Variants in OTUD7A observed in about 807,000 individuals in gnomAD.
OTUD7A encodes OTU deubiquitinase 7A.
OTUD7A carries 12 observed loss-of-function variants against 65.7 expected under a neutral mutation model. That is an observed-to-expected ratio of 0.18 (90% confidence interval 0.12 to 0.30). The LOEUF is 0.30. Ranked by LOEUF, OTUD7A falls within the 10% of genes least tolerant of loss-of-function variation. The pLI, the probability that OTUD7A is intolerant of heterozygous loss-of-function variation, is 1.00. For synonymous variants in OTUD7A, 641 were observed against 586.3 expected, an observed-to-expected ratio of 1.09 and a Z score of -1.35; for missense variants, 1,148 against 1,304.8, an observed-to-expected ratio of 0.88 and a Z score of 1.85.
intron 10 of OTUD7A, among the ~76,000 whole-genome samples, chr15:31,494,754 C>G (rs2041360578): frequency 1.3e-5 from 2 of 152,166 alleles, no homozygotes; most frequent in Admixed American, 6.5e-5. Context: ...CCCTGGCCCA[C>G]CAAAAACTCA....
rs1889175639 is a variant in OTUD7A at position 31,575,428 on chromosome 15, A to G, written c.152-5231T>C. On this transcript the variant is annotated intron_variant, in intron 3 of 12. Transcript: ENST00000307050. ...AAAAGGCAGAAACTTTATAAAGTGG[A>G]AACTACCATGAAACACACTACACTG... Among the ~76,000 whole-genome samples, 2 of 152,254 alleles carry G rather than the reference A, an allele frequency of 1.3e-5. 1 individual carries two copies. The highest frequency in any genetic ancestry group is 2.9e-5 in the Non-Finnish European group (2 of 68,044).
At chr15:31,690,719 C>T (rs958639023) in intron 1 of OTUD7A, among the ~76,000 whole-genome samples, 1 of 152,106 alleles carries the variant, frequency 6.6e-6, no homozygotes, top group Non-Finnish European at 1.5e-5. Context: ...GGGAAAACCG[C>T]ATATCCACAT....
intron 8 of OTUD7A, among the ~76,000 whole-genome samples, chr15:31,514,722 C>T (rs796637990): frequency 1.3e-5 from 2 of 152,372 alleles, no homozygotes; most frequent in South Asian, 2.1e-4. Context: ...CTGGCTCTGG[C>T]CCCTGGTGTC....
intron 12 of OTUD7A, among the ~76,000 whole-genome samples, chr15:31,485,703 G>A (rs1192775606): frequency 1.3e-5 from 2 of 152,204 alleles, no homozygotes; most frequent in Admixed American, 6.5e-5. Flanking sequence ...CATGCTGGCC[G>A]CTGGGTGCTG....
At chr15:31,727,132 C>T (rs1229428616) in intron 1 of OTUD7A, among the ~76,000 whole-genome samples, 2 of 152,214 alleles carry the variant, frequency 1.3e-5, no homozygotes, top group East Asian at 3.9e-4. Context: ...AAATCCATCA[C>T]CCCATCATGT....
At chr15:31,517,967 G>A (rs1338736205) in intron 8 of OTUD7A, among the ~76,000 whole-genome samples, 1 of 152,104 alleles carries the variant, frequency 6.6e-6, no homozygotes, top group Non-Finnish European at 1.5e-5. Context: ...CAGACGGAGA[G>A]CCTGGATGAA....
At chr15:31,797,410 C>T (rs1471140785) in intron 1 of OTUD7A, among the ~76,000 whole-genome samples, 3 of 152,192 alleles carry the variant, frequency 2.0e-5, no homozygotes, top group Non-Finnish European at 1.5e-5. Flanking sequence ...TGGCGGTCAC[C>T]TCTCAACGAC....
At position 31,475,617 on chromosome 15, in the gene OTUD7A, G is replaced by T. The variant is rs1374939714; in HGVS notation, c.*7677C>A. 2 of 152,208 alleles carry T rather than the reference G, an allele frequency of 1.3e-5. No individual in the cohort carries two copies. Among genetic ancestry groups the T allele is most frequent in the Non-Finnish European group, 2.9e-5 (2 of 68,028 alleles). 9.4% of individuals were successfully genotyped at this position (152,208 alleles called of 1,614,324 possible). ...AGATTTACTACATATTGCAAAAACT[G>T]GTTTAGTGCTTTAATACTTTACAAA... On this transcript the variant is annotated 3_prime_UTR_variant, in exon 13 of 13. Transcript: ENST00000307050.
chr15:31,646,570 C>T (rs1891675642), intron 3 of OTUD7A, among the ~76,000 whole-genome samples: 2 of 151,646 alleles, frequency 1.3e-5, no homozygotes, highest in African/African-American at 4.8e-5. Flanking sequence ...AAGCAATTCT[C>T]CTGCCTCAGC....
chr15:31,627,418 A>T (rs1254056977), intron 3 of OTUD7A, among the ~76,000 whole-genome samples: 1 of 151,652 alleles, frequency 6.6e-6, no homozygotes, highest in Admixed American at 6.6e-5. Context: ...AAGGACATGA[A>T]CTCACCATTT....
At chr15:31,684,671 T>G (rs1595707206) in intron 1 of OTUD7A, among the ~76,000 whole-genome samples, 1 of 140,796 alleles carries the variant, frequency 7.1e-6, no homozygotes, top group Non-Finnish European at 1.6e-5. Context: ...GATCACAACA[T>G]CAGAGTTGTT....
At chr15:31,585,634 C>A (rs1889510269) in intron 3 of OTUD7A, among the ~76,000 whole-genome samples, 1 of 152,214 alleles carries the variant, frequency 6.6e-6, no homozygotes, top group Non-Finnish European at 1.5e-5. Flanking sequence ...ACCCTTCCAG[C>A]TGGGGTGCAA....
chr15:31,830,892 C>T (rs189592327), intron 1 of OTUD7A, among the ~76,000 whole-genome samples: 48 of 152,320 alleles, frequency 3.2e-4, no homozygotes, highest in Middle Eastern at 3.4e-3. Flanking sequence ...TGGAGCACAG[C>T]TGAGAACATG....
chr15:31,678,105 T>C (rs1192369344), intron 1 of OTUD7A, among the ~76,000 whole-genome samples: 1 of 152,206 alleles, frequency 6.6e-6, no homozygotes, highest in Non-Finnish European at 1.5e-5. Context: ...TAGGGATCTG[T>C]GGAACTCTGA....
At chr15:31,753,675 A>T (rs1271562913) in intron 1 of OTUD7A, among the ~76,000 whole-genome samples, 13 of 124,250 alleles carry the variant, frequency 1.0e-4, no homozygotes, top group Non-Finnish European at 2.2e-4. Context: ...ATATATATAT[A>T]TAACCTGTGA....
intron 3 of OTUD7A, among the ~76,000 whole-genome samples, chr15:31,648,679 T>C (rs569738939): frequency 3.9e-5 from 6 of 152,330 alleles, no homozygotes; most frequent in Admixed American, 3.9e-4. Context: ...CAAGATGTCC[T>C]GTCTTTTTAG....
At chr15:31,759,484 TC>T (rs1212397627) in intron 1 of OTUD7A, among the ~76,000 whole-genome samples, 1 of 152,248 alleles carries the variant, frequency 6.6e-6, no homozygotes, top group African/African-American at 2.4e-5. Context: ...GAGTCCTGCT[TC>T]TTTAACTGCC....
At position 31,652,014 on chromosome 15, in the gene OTUD7A, A is replaced by G. The variant is rs1033076661; in HGVS notation, c.151+3082T>C. On this transcript the variant is annotated intron_variant, in intron 3 of 12. Transcript: ENST00000307050. ...ACATAGAAAGGCAAAAAAAAAAAAAAAAAGAATAGCTGAAACACTCCTGAA... is the reference window on the plus strand; with the variant it reads ...ACATAGAAAGGCAAAAAAAAAAAAAGAAAGAATAGCTGAAACACTCCTGAA... 4.8e-3 allele frequency among the ~76,000 whole-genome samples: 729 copies of G among 151,650 alleles called. 6 individuals carry two copies. Among genetic ancestry groups the G allele is most frequent in the Middle Eastern group, 0.01 (3 of 294 alleles).
chr15:31,483,937 G>A lies in OTUD7A; in HGVS notation c.2159C>T (p.Pro720Leu). The A allele has an allele frequency of 9.1e-7, 1 of 1,104,022 alleles. No individual in the cohort carries two copies. Among genetic ancestry groups the A allele is most frequent in the Non-Finnish European group, 1.1e-6 (1 of 897,956 alleles). The allele number at this position is 1,104,022 out of a possible 1,614,324, so 68.4% of individuals were successfully genotyped here. A position where few individuals can be genotyped will look rare whatever the true frequency, so the allele number is the denominator to read the frequency against. ...GAGCTTGAGCACCAGCTGCGTGGGT[G>A]GGCCCGGAGAGGCGCGCTCCGGGAC... is the stretch of plus-strand genomic sequence containing the variant. ...VPVPERASPG[P>L]PTQLVLKLKE... The change falls in exon 13 of 13, where the codon CCA (proline) becomes CTA (leucine). Residue 720 changes from proline (P) to leucine (L), a missense_variant. Physicochemically the swap from Pro to Leu is moderately conservative, Grantham distance 98. Transcript: ENST00000307050.
Sources: gnomAD v4.1 joint callset for allele counts (sites outside exome capture counted in the v4.1 genomes callset) on GRCh38, gnomAD v4.1.1 for gene constraint, MANE v1.5 for transcripts, NCBI Gene and HGNC (gene_info 2026-07-23, HGNC 2026-07-21) for gene names.